The following SPDYE5 variants were observed in gnomAD, a reference collection of about 807,000 sequenced individuals.
SPDYE5 encodes the protein speedy protein E5.
In SPDYE5, 15 loss-of-function variants were observed where a neutral mutation model predicts 48.5. The observed-to-expected ratio is 0.31, with a 90% CI of 0.21 to 0.48. The LOEUF (loss-of-function observed/expected upper bound fraction) is 0.48. Among genes scored for constraint, SPDYE5 ranks in the 20% least tolerant of loss-of-function variants. The pLI is 0.99. For synonymous variants in SPDYE5, 116 were observed against 200.7 expected (o/e 0.58, Z 3.57); for missense variants, 331 against 549.1 (o/e 0.60, Z 3.97).
In SPDYE5 at chr7:75,495,232, G is replaced by C. The variant is rs117738329; in HGVS notation, c.237G>C (p.Ala79=). Residue 79 remains alanine (A), a synonymous_variant, in exon 3 of 9, where the codon GCG becomes GCC. Transcript: ENST00000625065. ...AGAGGGAGTGGTCAGATGAATCTGC[G>C]GAGGAGCCGGAGAAGGAGCTCGCCC... ...KRKREWSDES[A]EEPEKELAPE... 6.3e-7 allele frequency: 1 copy of C among 1,597,232 alleles called. No individual in the cohort carries two copies. The highest frequency in any genetic ancestry group is 1.1e-5 in the South Asian group (1 of 90,978).
At position 75,494,141 on chromosome 7, in the gene SPDYE5, C is replaced by T; in HGVS notation, c.94C>T (p.Pro32Ser). 2 of 1,535,340 alleles carry T rather than the reference C, an allele frequency of 1.3e-6. No individual in the cohort carries two copies. The highest frequency in any genetic ancestry group is 4.9e-5 in the East Asian group (2 of 40,892). Reference sequence around the variant, plus strand: ...ACCGCAACCCCAGAATGAGCAGAGTCCCCAGCGGAGCACCTCGGGGTACCC... The same window carrying T: ...ACCGCAACCCCAGAATGAGCAGAGTTCCCAGCGGAGCACCTCGGGGTACCC... Reference protein sequence around the residue: ...RQPQPQNEQSPQRSTSGYPLQ... With the variant: ...RQPQPQNEQSSQRSTSGYPLQ... The change falls in exon 2 of 9, where the codon CCC becomes TCC. Residue 32 changes from proline to serine, a missense_variant. Pro to Ser is a moderately conservative substitution (Grantham distance 74). Transcript: ENST00000625065.
chr7:75,491,837 T>C (rs1329732350), upstream of SPDYE5, among the ~76,000 whole-genome samples: 8 of 149,040 alleles, frequency 5.4e-5, no homozygotes, highest in Non-Finnish European at 1.0e-4. Context: ...CTCGGCCTCC[T>C]AAGTAGCTGG....
In SPDYE5 at chr7:75,493,961, C is replaced by A. The variant is rs1371386160; in HGVS notation, c.-87C>A. 9 of 1,513,880 alleles carry A rather than the reference C, an allele frequency of 5.9e-6. No individual in the cohort carries two copies. The highest frequency in any genetic ancestry group is 5.3e-6 in the Non-Finnish European group (6 of 1,135,342). 93.8% of individuals were successfully genotyped at this position (1,513,880 alleles called of 1,614,324 possible). Reference sequence around the variant, plus strand: ...GATCAGTTGGACAACAGTATCTTCTCAGAGCTGTTCTCCACTCCTGACTTC... The same window carrying A: ...GATCAGTTGGACAACAGTATCTTCTAAGAGCTGTTCTCCACTCCTGACTTC... On this transcript the variant is annotated 5_prime_UTR_variant, in exon 2 of 9. Coordinates refer to ENST00000625065, the MANE Select transcript of SPDYE5 (RefSeq NM_001306141.4).
chr7:75,493,552 A>G, intron 1 of SPDYE5, 75 bp from the exon 2 acceptor site: 1 of 799,558 alleles, frequency 1.3e-6, no homozygotes, highest in Non-Finnish European at 1.6e-6. Flanking sequence ...TGTACATGAT[A>G]ATCTCACTCT....
intron 6 of SPDYE5, among the ~76,000 whole-genome samples, chr7:75,499,669 A>T (rs1793069315): frequency 6.7e-6 from 1 of 148,394 alleles, no homozygotes; most frequent in Non-Finnish European, 1.5e-5. Flanking sequence ...CGAGAGGCTG[A>T]GGCAAGAGAA....
chr7:75,500,212 C>T (rs1459145096), intron 6 of SPDYE5, among the ~76,000 whole-genome samples: 2 of 143,216 alleles, frequency 1.4e-5, no homozygotes, highest in African/African-American at 2.6e-5. Flanking sequence ...TCTACAATCT[C>T]TACAAGCACA....
Position 75,501,718 on chromosome 7 carries a change from G to T in SPDYE5, c.1112G>T (p.Ser371Ile). The T allele has an allele frequency of 2.5e-6, 4 of 1,613,328 alleles. No homozygotes were observed. Among genetic ancestry groups the T allele is most frequent in the Non-Finnish European group, 3.4e-6 (4 of 1,180,030 alleles). Reference sequence around the variant, plus strand: ...CGGTTCCAGTTCTTCTGTTCCATGAGCGGCAGGGCTTGGGTTTCCCCGGAG... The same window carrying T: ...CGGTTCCAGTTCTTCTGTTCCATGATCGGCAGGGCTTGGGTTTCCCCGGAG... ...KRRFQFFCSM[S>I]GRAWVSPEEL... The change falls in exon 7 of 9, where the codon AGC becomes ATC. Residue 371 changes from serine (S) to isoleucine (I), a missense_variant. Ser to Ile is a moderately radical substitution (Grantham distance 142, BLOSUM62 -2). Coordinates refer to ENST00000625065, the MANE Select transcript of SPDYE5 (RefSeq NM_001306141.4).
At chr7:75,502,176 T>C (rs1793184323) in intron 8 of SPDYE5, among the ~76,000 whole-genome samples, 194 bp downstream of exon 8, 1 of 151,110 alleles carries the variant, frequency 6.6e-6, no homozygotes, top group African/African-American at 2.4e-5. Flanking sequence ...GGCGGGAGGA[T>C]CGCTGGAGCC....
chr7:75,503,117 T>G lies in SPDYE5; in HGVS notation c.*330T>G, dbSNP rs1342109227. The G allele has an allele frequency of 1.1e-4, 51 of 485,550 alleles. No homozygotes were observed. The highest frequency in any genetic ancestry group is 1.7e-4 in the Non-Finnish European group (42 of 251,964). The allele number at this position is 485,550 out of a possible 1,614,324, so 30.1% of individuals were successfully genotyped here. On this transcript the variant is annotated 3_prime_UTR_variant, in exon 9 of 9. Transcript: ENST00000625065. ...CACCACCCTTTCTATATTGCTGAAT[T>G]CCAACCTCCCTGGGGCGGAACCTGG...
rs1793005258 is a variant in SPDYE5 at position 75,498,125 on chromosome 7, T to G, written c.669+129T>G. ...CTCCTACAGTCTTTTTTTTTTTTTT[T>G]TTTTTTTTTTTTTTTGTGAGACAGA... On this transcript the variant is annotated intron_variant, in intron 5 of 8. Transcript: ENST00000625065. 9 of 854,916 alleles carry G rather than the reference T, an allele frequency of 1.1e-5. No individual in the cohort carries two copies. The South Asian group carries it at 1.9e-4, about 18-fold the overall frequency. 53.0% of individuals were successfully genotyped at this position (854,916 alleles called of 1,614,324 possible). A position where few individuals can be genotyped will look rare whatever the true frequency, so the allele number is the denominator to read the frequency against.
rs782723555 is a variant in SPDYE5, at chr7:75,501,920, C to A, written c.1192C>A (p.Arg398Ser). 6.2e-7 allele frequency: 1 copy of A among 1,609,854 alleles called. No individual in the cohort carries two copies. The highest frequency in any genetic ancestry group is 1.1e-5 in the South Asian group (1 of 90,890). The change falls in exon 8 of 9, where the codon CGC (arginine) becomes AGC (serine). Residue 398 changes from arginine to serine, a missense_variant. Around this residue, in one of 8 missense-constraint regions of SPDYE5, gnomAD observed 101 missense variants for 104.0 expected, o/e 0.97. Transcript: ENST00000625065. ...AGAGCACTGGGTGTGGGCGCGAGAT[C>A]GCGCTCACCTTTCCTAGAGCTCCAG... ...DPEHWVWARD[R>S]AHLS
rs782593596 is a variant in SPDYE5 at position 75,502,945 on chromosome 7, T to C, written c.*158T>C. 6.5e-6 allele frequency: 6 copies of C among 917,136 alleles called. No individual in the cohort carries two copies. Among genetic ancestry groups the C allele is most frequent in the Non-Finnish European group, 9.3e-6 (6 of 641,740 alleles). 56.8% of individuals were successfully genotyped at this position (917,136 alleles called of 1,614,324 possible). A position where few individuals can be genotyped will look rare whatever the true frequency, so the allele number is the denominator to read the frequency against. ...TTTGTGCAGATCATCTAGAAGAACC[T>C]GGACCATTCTTGATGGAGCTGAATA... On this transcript the variant is annotated 3_prime_UTR_variant, in exon 9 of 9. Transcript: ENST00000625065.
rs1208286390 is a variant in SPDYE5, at chr7:75,495,288, T to C, written c.293T>C (p.Met98Thr). The C allele has an allele frequency of 4.2e-5, 67 of 1,579,902 alleles. 1 individual carries two copies. In the South Asian group the frequency reaches 5.5e-4, roughly 13 times the overall value. ...CCTGAGGAGACCTGGGTAGTGGAGA[T>C]GCTGTGTGGGCTCAAGATGAAGCTG... ...PEPEETWVVEMLCGLKMKLKQ... is the reference protein window; with the variant it reads ...PEPEETWVVETLCGLKMKLKQ... The change falls in exon 3 of 9, where the codon ATG becomes ACG. Residue 98 changes from methionine (M) to threonine (T), a missense_variant. Coordinates refer to ENST00000625065, the MANE Select transcript of SPDYE5 (RefSeq NM_001306141.4).
In SPDYE5 at chr7:75,504,257, G is replaced by C. The variant is rs1315317922; in HGVS notation, c.*1470G>C. 1 of 151,772 alleles carries C rather than the reference G, an allele frequency of 6.6e-6. No individual in the cohort carries two copies. Among genetic ancestry groups the C allele is most frequent in the Non-Finnish European group, 1.5e-5 (1 of 67,974 alleles). 9.4% of individuals were successfully genotyped at this position (151,772 alleles called of 1,614,324 possible). On this transcript the variant is annotated 3_prime_UTR_variant, in exon 9 of 9. Coordinates refer to ENST00000625065, the MANE Select transcript of SPDYE5 (RefSeq NM_001306141.4). ...TGTGTGTTTTCAAGAGAACAATAGAGTGCGTCTCTTGGGGAAACATAATAA... is the reference window on the plus strand; with the variant it reads ...TGTGTGTTTTCAAGAGAACAATAGACTGCGTCTCTTGGGGAAACATAATAA...
chr7:75,502,378 C>T (rs587696921), intron 8 of SPDYE5, among the ~76,000 whole-genome samples: 9 of 152,070 alleles, frequency 5.9e-5, no homozygotes, highest in East Asian at 3.9e-4. Flanking sequence ...CAGCTAACCA[C>T]GGTGAGCACA....
At chr7:75,493,163 A>C (rs1266156801) in intron 1 of SPDYE5, among the ~76,000 whole-genome samples, 1 of 151,846 alleles carries the variant, frequency 6.6e-6, no homozygotes, top group Non-Finnish European at 1.5e-5. Flanking sequence ...CATAAATGGA[A>C]GGGAAATTTC....
intron 6 of SPDYE5, among the ~76,000 whole-genome samples, chr7:75,500,654 T>C (rs1315899241): frequency 2.0e-5 from 3 of 151,664 alleles, no homozygotes; most frequent in African/African-American, 7.3e-5. Context: ...CCACCTCAGC[T>C]TCTTTATTAG....
At chr7:75,497,570 C>T (rs1792978887) in intron 4 of SPDYE5, among the ~76,000 whole-genome samples, 1 of 147,942 alleles carries the variant, frequency 6.8e-6, no homozygotes, top group South Asian at 2.1e-4. Flanking sequence ...TGTTTCCATC[C>T]ATAGTGAGGG....
At chr7:75,492,707 G>A (rs1554481916) in intron 1 of SPDYE5, among the ~76,000 whole-genome samples, 1 of 152,126 alleles carries the variant, frequency 6.6e-6, no homozygotes, top group African/African-American at 2.4e-5. Context: ...CCAAAGTGCT[G>A]GGATTACAGG....
Sources: gnomAD v4.1 joint callset for allele counts (sites outside exome capture counted in the v4.1 genomes callset) on GRCh38, gnomAD v4.1.1 for gene constraint, gnomAD v4.1.1 regional missense constraint, MANE v1.5 for transcripts, NCBI Gene and HGNC (gene_info 2026-07-23, HGNC 2026-07-21) for gene names.